The following HIPK2 variants were observed in gnomAD, a reference collection of about 807,000 sequenced individuals.
The protein encoded by HIPK2 is homeodomain interacting protein kinase 2.
HIPK2 carries 27 observed loss-of-function variants against 113.7 expected under a neutral mutation model. That is an observed-to-expected ratio of 0.24 (90% CI 0.17 to 0.33). The LOEUF is 0.33. Among genes scored for constraint, HIPK2 ranks in the 10% least tolerant of loss-of-function variants. The pLI is 1.00. For synonymous variants in HIPK2, 631 were observed against 642.2 expected (o/e 0.98, Z 0.26); for missense variants, 1,257 against 1,588.0 (o/e 0.79, Z 3.54).
At chr7:139,623,231 C>A (rs1347340601) in intron 6 of HIPK2, among the ~76,000 whole-genome samples, 1 of 152,164 alleles carries the variant, frequency 6.6e-6, no homozygotes, top group Non-Finnish European at 1.5e-5. Context: ...CAAATCCAGG[C>A]CAGGCACGGT....
chr7:139,634,404 AC>A lies in HIPK2; in HGVS notation c.1104-2680del, dbSNP rs1800734279. 2.0e-5 allele frequency among the ~76,000 whole-genome samples: 3 copies of A among 151,550 alleles called. No homozygotes were observed. In the South Asian group the frequency reaches 6.3e-4, roughly 32 times the overall value. ...GCATGTATTGTCAGGGGCCACTCTT[AC>A]TCACTGGCACTGATGAGCTGGGGAT... On this transcript the variant is annotated intron_variant, in intron 2 of 14. Transcript: ENST00000406875.
rs777584265 is a variant in HIPK2, at chr7:139,716,987, G to A, written c.48C>T (p.Ser16=). The A allele has an allele frequency of 3.1e-6, 5 of 1,611,396 alleles. No individual in the cohort carries two copies. The South Asian group carries it at 5.5e-5, about 18-fold the overall frequency. ...AGGCACTTGATTGAAGGGTGTGAGG[G>A]GAGAAAACTTGCACATGTGAGGCCA... ...EGMASHVQVF[S]PHTLQSSAFC... Residue 16 remains serine (S), a synonymous_variant, in exon 2 of 15, where the codon TCC becomes TCT. Transcript: ENST00000406875. The surrounding 1 kb of genome is among the most constrained non-coding windows in gnomAD (Gnocchi z 9.3).
intron 1 of HIPK2, among the ~76,000 whole-genome samples, chr7:139,744,547 A>G (rs1287940078): frequency 2.0e-5 from 3 of 152,246 alleles, no homozygotes; most frequent in Non-Finnish European, 2.9e-5. Context: ...TGTACACTTC[A>G]AAAAAGTGAA....
chr7:139,674,700 C>T lies in HIPK2; in HGVS notation c.1103+41232G>A, dbSNP rs202110390. Among the ~76,000 whole-genome samples the T allele has an allele frequency of 5.9e-5, 9 of 152,338 alleles. No individual in the cohort carries two copies. The East Asian group carries it at 1.7e-3, about 29-fold the overall frequency. On this transcript the variant is annotated intron_variant, in intron 2 of 14. Coordinates refer to ENST00000406875, the MANE Select transcript of HIPK2 (RefSeq NM_022740.5). Reference sequence around the variant, plus strand: ...TAATCAATTAGTCTTCTGTTTTCGACTTCAATTCCCAGAGCTAATTAATCA... The same window carrying T: ...TAATCAATTAGTCTTCTGTTTTCGATTTCAATTCCCAGAGCTAATTAATCA...
chr7:139,672,263 A>G (rs1055950476), intron 2 of HIPK2, among the ~76,000 whole-genome samples: 4 of 152,234 alleles, frequency 2.6e-5, no homozygotes, highest in Non-Finnish European at 5.9e-5. Context: ...CTAGTGATTT[A>G]GTTACCTGAA....
chr7:139,773,885 T>C (rs76486291), intron 1 of HIPK2, among the ~76,000 whole-genome samples: 16,997 of 152,234 alleles, frequency 0.11, 1,140 homozygotes, highest in Non-Finnish European at 0.16. Flanking sequence ...TTGGGGATAC[T>C]TTCCAAGAGG....
In HIPK2 at chr7:139,573,036, T is replaced by C. The variant is rs1288770060; in HGVS notation, c.3488A>G (p.Tyr1163Cys). ...GGTCTGGTGGGCAAATTGGGCTGGA[T>C]ACTGACTCGGGTGGATGGTGGGCGA... ...LPSPTIHPSQ[Y>C]PAQFAHQTYI... The change falls in exon 15 of 15, where the codon TAT becomes TGT. Residue 1163 changes from tyrosine (Y) to cysteine (C), a missense_variant. Around this residue, in one of 5 missense-constraint regions of HIPK2, gnomAD observed 862 missense variants for 1,004.3 expected, o/e 0.86. Transcript: ENST00000406875. The C allele has an allele frequency of 1.2e-6, 2 of 1,612,576 alleles. No homozygotes were observed. Among genetic ancestry groups the C allele is most frequent in the East Asian group, 2.2e-5 (1 of 44,828 alleles).
chr7:139,648,968 A>G (rs180984230), intron 2 of HIPK2, among the ~76,000 whole-genome samples: 45 of 152,264 alleles, frequency 3.0e-4, no homozygotes, highest in African/African-American at 1.1e-3. Context: ...CAGAAACTCT[A>G]AAAGCTGGCG....
chr7:139,756,467 C>G (rs1448357707), intron 1 of HIPK2, among the ~76,000 whole-genome samples: 1 of 152,212 alleles, frequency 6.6e-6, no homozygotes, highest in Non-Finnish European at 1.5e-5. Context: ...CTCTGTCACC[C>G]AGGCTGGAGT....
chr7:139,695,981 C>T lies in HIPK2; in HGVS notation c.1103+19951G>A, dbSNP rs1794555440. Among the ~76,000 whole-genome samples the T allele has an allele frequency of 2.6e-5, 4 of 152,238 alleles. No individual in the cohort carries two copies. The South Asian group carries it at 8.3e-4, about 32-fold the overall frequency. On this transcript the variant is annotated intron_variant, in intron 2 of 14. Coordinates refer to ENST00000406875, the MANE Select transcript of HIPK2 (RefSeq NM_022740.5). Reference sequence around the variant, plus strand: ...ATTAAGGGGGGAAGAAAAGTATTAACAAATCAGGATTTGAGGAAGAACAGA... The same window carrying T: ...ATTAAGGGGGGAAGAAAAGTATTAATAAATCAGGATTTGAGGAAGAACAGA...
At chr7:139,674,257 A>C (rs1334056079) in intron 2 of HIPK2, among the ~76,000 whole-genome samples, 1 of 152,204 alleles carries the variant, frequency 6.6e-6, no homozygotes, top group Non-Finnish European at 1.5e-5. Flanking sequence ...AAGGCCTCTC[A>C]TCAGCTCAGA....
chr7:139,686,754 G>A (rs979772730), intron 2 of HIPK2, among the ~76,000 whole-genome samples: 7 of 152,288 alleles, frequency 4.6e-5, no homozygotes, highest in East Asian at 3.9e-4. Context: ...TCATAGCAGC[G>A]TGAGAACAGA....
chr7:139,655,956 CA>C (rs1801653014), intron 2 of HIPK2, among the ~76,000 whole-genome samples: 1 of 152,308 alleles, frequency 6.6e-6, no homozygotes, highest in African/African-American at 2.4e-5. Flanking sequence ...TTTTGGGACT[CA>C]GGGGCCTTCC....
chr7:139,603,991 G>A (rs1364182033), intron 10 of HIPK2, 90 bp downstream of exon 10: 4 of 1,556,286 alleles, frequency 2.6e-6, no homozygotes, highest in Non-Finnish European at 3.5e-6. Flanking sequence ...GGGAATTGAA[G>A]TACAGGCCAG....
At chr7:139,619,860 A>G (rs1414119169) in intron 7 of HIPK2, among the ~76,000 whole-genome samples, 3 of 152,194 alleles carry the variant, frequency 2.0e-5, no homozygotes, top group African/African-American at 7.2e-5. Flanking sequence ...TCCTGGGCTC[A>G]AGCACTTCTC....
intron 2 of HIPK2, among the ~76,000 whole-genome samples, chr7:139,684,099 A>G (rs1411385020): frequency 6.6e-6 from 1 of 152,110 alleles, no homozygotes; most frequent in Non-Finnish European, 1.5e-5. Context: ...AAACTTTTTC[A>G]TCATTGTGAT....
rs1800190024 is a variant in HIPK2 at position 139,620,290 on chromosome 7, T to C, written c.1782+111A>G. 7.6e-6 allele frequency: 11 copies of C among 1,438,198 alleles called. No individual in the cohort carries two copies. The South Asian group carries it at 1.4e-4, about 18-fold the overall frequency. 89.1% of individuals were successfully genotyped at this position (1,438,198 alleles called of 1,614,324 possible). On this transcript the variant is annotated intron_variant, in intron 7 of 14. Coordinates refer to ENST00000406875, the MANE Select transcript of HIPK2 (RefSeq NM_022740.5). ...TGGATGCAAATACTTTGTTTAGTTG[T>C]TGAACATGACAGCAGGAATTTTGCC... is the stretch of plus-strand genomic sequence containing the variant.
At chr7:139,587,593 C>T (rs1297165958) in intron 12 of HIPK2, among the ~76,000 whole-genome samples, 12 of 151,456 alleles carry the variant, frequency 7.9e-5, no homozygotes, top group Admixed American at 7.9e-4. Context: ...TGGGAGGGCA[C>T]TGAGATCCAG....
chr7:139,671,850 G>A (rs915712261), intron 2 of HIPK2, among the ~76,000 whole-genome samples: 2 of 152,138 alleles, frequency 1.3e-5, no homozygotes, highest in Non-Finnish European at 2.9e-5. Context: ...ACCCGGCTGA[G>A]AATCAAGTTT....
Sources: allele counts gnomAD v4.1 joint callset (sites outside exome capture counted in the v4.1 genomes callset), GRCh38; gene constraint gnomAD v4.1.1; regional missense constraint gnomAD v4.1.1; non-coding constraint Gnocchi (gnomAD v3.1); transcripts MANE v1.5; gene names NCBI Gene and HGNC (gene_info 2026-07-23, HGNC 2026-07-21).